The following KRT14 variants were observed in gnomAD, a reference collection of about 807,000 sequenced individuals.
The protein encoded by KRT14 is keratin, type I cytoskeletal 14.
KRT14 carries 30 observed loss-of-function variants against 44.5 expected under a neutral mutation model. The observed-to-expected ratio is 0.67, with a 90% CI of 0.50 to 0.92. KRT14 has a LOEUF of 0.92. KRT14 is among the 40% of genes least tolerant of loss of function. KRT14 has a pLI of 0.00. For missense variants in KRT14, 535 were observed against 640.6 expected, an observed-to-expected ratio of 0.84 and a Z score of 1.78; for synonymous variants, 241 against 257.6, an observed-to-expected ratio of 0.94 and a Z score of 0.62.
At chr17:41,585,866 T>C (rs1907508757) in intron 1 of KRT14, among the ~76,000 whole-genome samples, 1 of 152,226 alleles carries the variant, frequency 6.6e-6, no homozygotes, top group South Asian at 2.1e-4. Flanking sequence ...CAGCCCAGAC[T>C]AGTGAGCTAA....
chr17:41,586,461 C>T lies in KRT14; in HGVS notation c.374G>A (p.Arg125His), dbSNP rs58330629. The T allele has an allele frequency of 6.2e-7, 1 of 1,614,126 alleles. No individual in the cohort carries two copies. Among genetic ancestry groups the T allele is most frequent in the South Asian group, 1.1e-5 (1 of 91,076 alleles). Residue 125 changes from arginine to histidine, a missense_variant, in exon 1 of 8, where the codon CGC becomes CAC. Coordinates refer to ENST00000167586, the MANE Select transcript of KRT14 (RefSeq NM_000526.5). ...CACCTTGTCCAGGTAGGAGGCCAGG[C>T]GGTCATTGAGGTTCTGCATGGTCAC... is the stretch of plus-strand genomic sequence containing the variant. The part of the protein sequence containing the change: ...EKVTMQNLND[R>H]LASYLDKVRA...
intron 5 of KRT14, 27 bp from the exon 6 acceptor site, chr17:41,583,482 G>C: frequency 6.2e-7 from 1 of 1,614,132 alleles, no homozygotes; most frequent in Non-Finnish European, 8.5e-7. Flanking sequence ...GGGAATCAAC[G>C]ATTAGTGAGT....
In KRT14 at chr17:41,582,383, G is replaced by A; in HGVS notation, c.*52C>T. 1 of 1,370,500 alleles carries A rather than the reference G, an allele frequency of 7.3e-7. No homozygotes were observed. Among genetic ancestry groups the A allele is most frequent in the South Asian group, 1.2e-5 (1 of 80,550 alleles). The allele number at this position is 1,370,500 out of a possible 1,614,324, so 84.9% of individuals were successfully genotyped here. A position where few individuals can be genotyped will look rare whatever the true frequency, so the allele number is the denominator to read the frequency against. ...GGGCAGGAGAGGGGATCTTCCAGTG[G>A]GATCTGTGTCCACACGGGGGGCCTC... On this transcript the variant is annotated 3_prime_UTR_variant, in exon 8 of 8. Coordinates refer to ENST00000167586, the MANE Select transcript of KRT14 (RefSeq NM_000526.5).
chr17:41,585,721 G>C (rs1370265265), intron 1 of KRT14, among the ~76,000 whole-genome samples: 2 of 152,260 alleles, frequency 1.3e-5, no homozygotes, highest in Non-Finnish European at 2.9e-5. Flanking sequence ...GCTAGAGTCA[G>C]GGCACAAGCC....
At chr17:41,583,516 C>A in intron 5 of KRT14, 35 bp downstream of exon 5, 1 of 1,614,208 alleles carries the variant, frequency 6.2e-7, no homozygotes, top group Non-Finnish European at 8.5e-7. Context: ...CCCTGCCAGT[C>A]CTGGGTGCAC....
At position 41,582,453 on chromosome 17, in the gene KRT14, G is replaced by T; in HGVS notation, c.1401C>A (p.Val467=). ...GGCAGCCTCAGTTCTTGGTGCGAAG[G>T]ACCTGCTCGTGGGTGGACACCACCT... ...DGKVVSTHEQ[V]LRTKN is the part of the protein sequence containing the mutation. Residue 467 remains valine (V), a synonymous_variant, in exon 8 of 8, where the codon GTC becomes GTA. Transcript: ENST00000167586. 6.4e-7 allele frequency: 1 copy of T among 1,568,058 alleles called. No individual in the cohort carries two copies. The highest frequency in any genetic ancestry group is 1.2e-5 in the South Asian group (1 of 84,936).
chr17:41,586,227 CT>C, intron 1 of KRT14, 82 bp downstream of exon 1: 1 of 1,567,574 alleles, frequency 6.4e-7, no homozygotes, highest in Non-Finnish European at 8.8e-7. Flanking sequence ...ATAGAGAAAT[CT>C]TAAGGTCTCA....
chr17:41,584,470 T>G, intron 2 of KRT14, 57 bp from the exon 3 acceptor site: 3 of 1,596,858 alleles, frequency 1.9e-6, no homozygotes, highest in Non-Finnish European at 2.6e-6. Context: ...AGCGAGGGCT[T>G]TGTTCTCTTC....
rs61300844 is a variant in KRT14, at chr17:41,584,069, CTTTTTTTTTTTTTTT to C, written c.766-163_766-149del. ...TCTCTCAATCTCTCTCTCTCTCTCT[CTTTTTTTTTTTTTTT>C]TTTTTTTTTTTTTTGGACAGGGTCT... On this transcript the variant is annotated intron_variant, in intron 3 of 7. Coordinates refer to ENST00000167586, the MANE Select transcript of KRT14 (RefSeq NM_000526.5). 4.9e-5 allele frequency: 15 copies of C among 304,816 alleles called. 2 individuals carry two copies. The highest frequency in any genetic ancestry group is 7.4e-5 in the Non-Finnish European group (13 of 175,796). 18.9% of individuals were successfully genotyped at this position (304,816 alleles called of 1,614,324 possible). A position where few individuals can be genotyped will look rare whatever the true frequency, so the allele number is the denominator to read the frequency against.
chr17:41,583,559 G>T lies in KRT14; in HGVS notation c.1045C>A (p.Leu349Ile), dbSNP rs1907411928. 6.2e-7 allele frequency: 1 copy of T among 1,614,110 alleles called. No homozygotes were observed. The highest frequency in any genetic ancestry group is 1.3e-5 in the African/African-American group (1 of 74,934). ...QNLEIELQSQ[L>I]SMKASLENSL... The stretch of plus-strand genomic sequence containing the variant: ...CCTGGCACTATTCCTACCATGCTGA[G>T]CTGGGACTGCAGCTCAATCTCCAGG... The change falls in exon 5 of 8, where the codon CTC (leucine) becomes ATC (isoleucine). Residue 349 changes from leucine to isoleucine, a missense_variant. Leu to Ile is a conservative substitution (Grantham distance 5, BLOSUM62 2). Transcript: ENST00000167586.
Position 41,586,329 on chromosome 17 carries a change from A to G in KRT14, c.506T>C (p.Ile169Thr), listed in dbSNP as rs373010734. Reference protein sequence around the residue: ...IKDYSPYFKTIEDLRNKILTA... With the variant: ...IKDYSPYFKTTEDLRNKILTA... ...ACCCACCTTGTTCCTCAGGTCCTCA[A>G]TGGTCTTGAAGTAGGGACTGTAGTC... The change falls in exon 1 of 8, where the codon ATT becomes ACT. Residue 169 changes from isoleucine (I) to threonine (T), a missense_variant. Ile to Thr is a moderately conservative substitution (Grantham distance 89, BLOSUM62 -1). Transcript: ENST00000167586. 4.0e-4 allele frequency: 640 copies of G among 1,612,348 alleles called. 8 individuals are homozygous for G. In the South Asian group the frequency reaches 6.4e-3, roughly 16 times the overall value.
At position 41,583,337 on chromosome 17, in the gene KRT14, A is replaced by G. The variant is rs2144582378; in HGVS notation, c.1172T>C (p.Met391Thr). 1 of 1,613,698 alleles carries G rather than the reference A, an allele frequency of 6.2e-7. No homozygotes were observed. Among genetic ancestry groups the G allele is most frequent in the South Asian group, 1.1e-5 (1 of 91,050 alleles). Reference sequence around the variant, plus strand: ...CTTGTACTCCTGGTTCTGCTGCTCCATCTCGCAGCGGAGCTGGGCCAGCTG... The same window carrying G: ...CTTGTACTCCTGGTTCTGCTGCTCCGTCTCGCAGCGGAGCTGGGCCAGCTG... ...EEQLAQLRCE[M>T]EQQNQEYKIL... Residue 391 changes from methionine to threonine, a missense_variant, in exon 6 of 8, where the codon ATG becomes ACG. By Grantham distance (81) the Met-to-Thr change is moderately conservative (BLOSUM62 -1). Transcript: ENST00000167586.
chr17:41,586,214 C>T (rs1388443831), intron 1 of KRT14, 96 bp downstream of exon 1: 9 of 1,505,006 alleles, frequency 6.0e-6, no homozygotes, highest in Middle Eastern at 2.3e-4. Flanking sequence ...TGGACTCTGT[C>T]CTATAGAGAA....
At position 41,583,211 on chromosome 17, in the gene KRT14, A is replaced by G. The variant is rs753953467; in HGVS notation, c.1274+24T>C. The G allele has an allele frequency of 3.3e-5, 54 of 1,612,436 alleles. No individual in the cohort carries two copies. The South Asian group carries it at 4.4e-4, about 13-fold the overall frequency. ...CGTGAGAGTGCCATGGGGGGGGCGG[A>G]CTAAGGGGAGGGCCAAGACTCACTG... On this transcript the variant is annotated intron_variant, in intron 6 of 7. Transcript: ENST00000167586.
chr17:41,584,938 G>A (rs1156263620), intron 2 of KRT14, 37 bp downstream of exon 2: 2 of 1,532,646 alleles, frequency 1.3e-6, no homozygotes, highest in Non-Finnish European at 1.8e-6. Context: ...CCTACTCTGG[G>A]GACACTGGAT....
At chr17:41,584,853 A>G (rs1406522130) in intron 2 of KRT14, 122 bp downstream of exon 2, 1 of 757,834 alleles carries the variant, frequency 1.3e-6, no homozygotes, top group East Asian at 2.7e-5. Context: ...TTCTTTTATA[A>G]GCACCCCAGG....
chr17:41,583,847 C>T lies in KRT14; in HGVS notation c.840G>A (p.Leu280=). ...CACGCATCTCGTTCAGAATGCGGCT[C>T]AGGTCCACGCCAGGTGCAGCGTCCA... ...VEMDAAPGVD[L]SRILNEMRDQ... The change falls in exon 4 of 8, where the codon CTG becomes CTA. Residue 280 remains leucine (L), a synonymous_variant. Transcript: ENST00000167586. 6.2e-7 allele frequency: 1 copy of T among 1,614,164 alleles called. No homozygotes were observed. The highest frequency in any genetic ancestry group is 8.5e-7 in the Non-Finnish European group (1 of 1,180,038).
chr17:41,582,287 C>T lies in KRT14; in HGVS notation c.*148G>A, dbSNP rs563912371. 1.4e-5 allele frequency: 9 copies of T among 647,490 alleles called. No individual in the cohort carries two copies. The highest frequency in any genetic ancestry group is 1.4e-4 in the East Asian group (5 of 36,398). 40.1% of individuals were successfully genotyped at this position (647,490 alleles called of 1,614,324 possible). A position where few individuals can be genotyped will look rare whatever the true frequency, so the allele number is the denominator to read the frequency against. On this transcript the variant is annotated 3_prime_UTR_variant, in exon 8 of 8. Coordinates refer to ENST00000167586, the MANE Select transcript of KRT14 (RefSeq NM_000526.5). The stretch of plus-strand genomic sequence containing the variant: ...CCAGAGAGAGGCGAGAATTATGCAA[C>T]TCAGATAATGAAGCTGTATTGATTG...
At position 41,583,601 on chromosome 17, in the gene KRT14, G is replaced by C; in HGVS notation, c.1003C>G (p.Arg335Gly). ...ATCTCCAGGTTCTGCATGGTGCGCC[G>C]GAGCTCCGAGATCTCGCTCTTGCCG... ...QSGKSEISELRRTMQNLEIEL... is the reference protein window; with the variant it reads ...QSGKSEISELGRTMQNLEIEL... Residue 335 changes from arginine (R) to glycine (G), a missense_variant, in exon 5 of 8, where the codon CGG (arginine) becomes GGG (glycine). Transcript: ENST00000167586. 2 of 1,614,192 alleles carry C rather than the reference G, an allele frequency of 1.2e-6. No individual in the cohort carries two copies. Among genetic ancestry groups the C allele is most frequent in the Non-Finnish European group, 1.7e-6 (2 of 1,180,040 alleles).
Sources: gnomAD v4.1 joint callset for allele counts (sites outside exome capture counted in the v4.1 genomes callset) on GRCh38, gnomAD v4.1.1 for gene constraint, MANE v1.5 for transcripts, NCBI Gene and HGNC (gene_info 2026-07-23, HGNC 2026-07-21) for gene names.